CSNK2A1: variants seen among roughly 807,000 people sequenced by gnomAD.
CSNK2A1 encodes the protein casein kinase II subunit alpha.
A neutral mutation model predicts 62.9 loss-of-function variants in CSNK2A1; 10 were observed. The observed-to-expected ratio is 0.16, with a 90% CI of 0.10 to 0.27. The LOEUF (loss-of-function observed/expected upper bound fraction) is 0.27, where lower values mean the gene tolerates loss of function less well. CSNK2A1 is among the 10% of genes least tolerant of loss of function. The probability of loss-of-function intolerance (pLI) is 1.00; values close to 1 mark genes in which losing one functional copy is unlikely to be tolerated. For synonymous variants in CSNK2A1, 124 were observed against 167.8 expected (o/e 0.74, Z 2.02); for missense variants, 160 against 492.0 (o/e 0.33, Z 6.38).
intron 9 of CSNK2A1, among the ~76,000 whole-genome samples, chr20:490,541 T>C (rs2018205895): frequency 6.7e-6 from 1 of 150,040 alleles, no homozygotes. Flanking sequence ...GTAGCTGGGA[T>C]TACAAGCGCC....
At chr20:525,719 TCCCAACACTTTGGGAGGCTGAGG>T (rs1370964714) in intron 2 of CSNK2A1, among the ~76,000 whole-genome samples, 1 of 147,320 alleles carries the variant, frequency 6.8e-6, no homozygotes, top group Non-Finnish European at 1.5e-5. Context: ...ATGCCTGTAA[TCCCAACACTTTGGGAGGCTGAGG>T]CCAAGGTGTG....
intron 1 of CSNK2A1, among the ~76,000 whole-genome samples, chr20:538,004 C>T: frequency 6.6e-6 from 1 of 151,392 alleles, no homozygotes; most frequent in East Asian, 1.9e-4. Context: ...CTCTGTCCCC[C>T]AGGCTGGAGT....
At chr20:504,309 T>TA (rs2122557391) in intron 4 of CSNK2A1, 1 of 152,362 alleles carries the variant, frequency 6.6e-6, no homozygotes, top group African/African-American at 2.4e-5. Flanking sequence ...GTATAAGTGT[T>TA]ATAAATTGAG....
At chr20:524,638 G>A (rs185065385) in intron 2 of CSNK2A1, among the ~76,000 whole-genome samples, 163 of 142,518 alleles carry the variant, frequency 1.1e-3, no homozygotes, top group African/African-American at 4.3e-3. Flanking sequence ...GCTGAGGCTG[G>A]AGAATCGCTT....
intron 4 of CSNK2A1, chr20:502,897 C>G (rs1341460471): frequency 6.6e-6 from 1 of 152,236 alleles, no homozygotes. Flanking sequence ...CAGCCTGCTT[C>G]CCTTCACCAC....
rs147318223 is a variant in CSNK2A1, at chr20:514,800, T to C, written c.-109-6140A>G. Among the ~76,000 whole-genome samples, 1,173 of 152,326 alleles carry C rather than the reference T, an allele frequency of 7.7e-3. 10 individuals are homozygous for C. The highest frequency in any genetic ancestry group is 0.014 in the Non-Finnish European group (932 of 68,020). ...TCACTTATACCTCTGCAAATGCATA[T>C]GTATATCACATGTAAGCTAACAGGA... On this transcript the variant is annotated intron_variant, in intron 2 of 13. Coordinates refer to ENST00000217244, the MANE Select transcript of CSNK2A1 (RefSeq NM_177559.3).
rs1241160961 is a variant in CSNK2A1 at position 476,213 on chromosome 20, T to G, written c.*7748A>C. 1 of 152,414 alleles carries G rather than the reference T, an allele frequency of 6.6e-6. No individual in the cohort carries two copies. Among genetic ancestry groups the G allele is most frequent in the Non-Finnish European group, 1.5e-5 (1 of 68,204 alleles). The allele number at this position is 152,414 out of a possible 1,614,324, so 9.4% of individuals were successfully genotyped here. A position where few individuals can be genotyped will look rare whatever the true frequency, so the allele number is the denominator to read the frequency against. On this transcript the variant is annotated 3_prime_UTR_variant, in exon 14 of 14. Transcript: ENST00000217244. Reference sequence around the variant, plus strand: ...AGGCAGCCCCTCCTCTGAGGCCTCATGGACCATTCTCTCTTCTCCAAGACT... The same window carrying G: ...AGGCAGCCCCTCCTCTGAGGCCTCAGGGACCATTCTCTCTTCTCCAAGACT...
chr20:538,747 AATGTATCACCC>A (rs917549870), intron 1 of CSNK2A1, among the ~76,000 whole-genome samples: 2 of 152,172 alleles, frequency 1.3e-5, no homozygotes, highest in Admixed American at 6.5e-5. Flanking sequence ...AATTCACAAA[AATGTATCACCC>A]ATTTCCATCT....
intron 3 of CSNK2A1, chr20:505,869 ATTTTTTTTTTT>A (rs11483032): frequency 4.3e-5 from 4 of 91,992 alleles, no homozygotes; most frequent in African/African-American, 1.4e-4. Flanking sequence ...CAAGAGAATA[ATTTTTTTTTTT>A]TTTTTTTTTT....
intron 9 of CSNK2A1, among the ~76,000 whole-genome samples, chr20:491,126 GAACAAA>G (rs1430137910): frequency 6.6e-6 from 1 of 151,952 alleles, no homozygotes; most frequent in Non-Finnish European, 1.5e-5. Context: ...ATTCCTACAA[GAACAAA>G]AAGTCTGAAA....
At chr20:491,970 G>C (rs776370680) in intron 9 of CSNK2A1, among the ~76,000 whole-genome samples, 13 of 152,136 alleles carry the variant, frequency 8.5e-5, no homozygotes, top group Non-Finnish European at 1.3e-4. Context: ...ATTCAAAACA[G>C]TTCTGGAACT....
At chr20:543,623 T>C (rs1600427100) in intron 1 of CSNK2A1, 49 bp downstream of exon 1, 1 of 397,436 alleles carries the variant, frequency 2.5e-6, no homozygotes, top group Non-Finnish European at 4.4e-6. Flanking sequence ...TGCCCTATCC[T>C]GGGCCCACCC....
At position 533,551 on chromosome 20, in the gene CSNK2A1, C is replaced by T. The variant is rs528365640; in HGVS notation, c.-226-5502G>A. 6.6e-5 allele frequency among the ~76,000 whole-genome samples: 10 copies of T among 152,196 alleles called. No individual in the cohort carries two copies. In the South Asian group the frequency reaches 1.5e-3, roughly 22 times the overall value. ...CCAGGAGGCAGAGGTTGCAATGAGC[C>T]GAGATCATGTCACTGCACTCCAGCC... is the stretch of plus-strand genomic sequence containing the variant. On this transcript the variant is annotated intron_variant, in intron 1 of 13. Transcript: ENST00000217244.
chr20:532,560 G>C (rs1222837382), intron 1 of CSNK2A1, among the ~76,000 whole-genome samples: 2 of 152,076 alleles, frequency 1.3e-5, no homozygotes, highest in Non-Finnish European at 2.9e-5. Context: ...GAGGTCATTA[G>C]TTTGGATGCT....
In CSNK2A1 at chr20:499,447, TC is replaced by T. The variant is rs2122543353; in HGVS notation, c.316-143del. The T allele has an allele frequency of 3.0e-6, 2 of 659,164 alleles. No homozygotes were observed. Among genetic ancestry groups the T allele is most frequent in the South Asian group, 4.5e-5 (2 of 44,706 alleles). The allele number at this position is 659,164 out of a possible 1,614,324, so 40.8% of individuals were successfully genotyped here. On this transcript the variant is annotated intron_variant, in intron 5 of 13. Coordinates refer to ENST00000217244, the MANE Select transcript of CSNK2A1 (RefSeq NM_177559.3). The surrounding 1 kb of genome is among the most constrained non-coding windows in gnomAD (Gnocchi z 4.2). ...AGAAACCCTCTATTGCTACAAGCCC[TC>T]CCCGCTCTGATCATCACCGCACTTA...
rs2017801702 is a variant in CSNK2A1 at position 473,994 on chromosome 20, A to C, written c.*9967T>G. On this transcript the variant is annotated 3_prime_UTR_variant, in exon 14 of 14. Transcript: ENST00000217244. ...GGAGGAATGACTCCCTTGGGAGGAG[A>C]CAACAACATTGCAAGTGATCTAGTC... 6.6e-6 allele frequency: 1 copy of C among 151,698 alleles called. No homozygotes were observed. Among genetic ancestry groups the C allele is most frequent in the Non-Finnish European group, 1.5e-5 (1 of 67,748 alleles). The allele number at this position is 151,698 out of a possible 1,614,324, so 9.4% of individuals were successfully genotyped here. A position where few individuals can be genotyped will look rare whatever the true frequency, so the allele number is the denominator to read the frequency against.
rs1462805243 is a variant in CSNK2A1 at position 492,321 on chromosome 20, C to T, written c.554G>A (p.Gly185Asp). 1 of 1,613,902 alleles carries T rather than the reference C, an allele frequency of 6.2e-7. No homozygotes were observed. The highest frequency in any genetic ancestry group is 8.5e-7 in the Non-Finnish European group (1 of 1,179,980). ...DWGLAEFYHP[G>D]QEYNVRVASR... ...AGCAACTCGGACATTATATTCTTGGCCAGGATGATAAAACTCAGCCAAACC... is the reference window on the plus strand; with the variant it reads ...AGCAACTCGGACATTATATTCTTGGTCAGGATGATAAAACTCAGCCAAACC... Residue 185 changes from glycine (G) to aspartate (D), a missense_variant, in exon 9 of 14, where the codon GGC becomes GAC. This residue lies in a region of CSNK2A1 where 94 missense variants were observed against 357.6 expected (regional missense o/e 0.26). Transcript: ENST00000217244.
At chr20:525,141 A>C (rs556457746) in intron 2 of CSNK2A1, among the ~76,000 whole-genome samples, 87 of 152,300 alleles carry the variant, frequency 5.7e-4, no homozygotes, top group African/African-American at 2.0e-3. Flanking sequence ...ATAAAAAAAA[A>C]CATAGGCTAT....
intron 2 of CSNK2A1, among the ~76,000 whole-genome samples, chr20:519,179 C>T (rs1380753247): frequency 6.6e-6 from 1 of 152,008 alleles, no homozygotes; most frequent in African/African-American, 2.4e-5. Context: ...CTCAAGTGAC[C>T]CGCCCATCTT....
Sources: allele counts gnomAD v4.1 joint callset (sites outside exome capture counted in the v4.1 genomes callset), GRCh38; gene constraint gnomAD v4.1.1; regional missense constraint gnomAD v4.1.1; non-coding constraint Gnocchi (gnomAD v3.1); transcripts MANE v1.5; gene names NCBI Gene and HGNC (gene_info 2026-07-23, HGNC 2026-07-21).